Variants in STAG1 observed in about 807,000 individuals in gnomAD.
STAG1 encodes cohesin subunit SA-1.
STAG1 carries 26 observed loss-of-function variants against 170.9 expected under a neutral mutation model. The ratio of observed to expected loss-of-function variants is 0.15; its 90% CI spans 0.11 to 0.21. The LOEUF (loss-of-function observed/expected upper bound fraction) is 0.21. STAG1 is among the 10% of genes least tolerant of loss of function. STAG1 has a pLI of 1.00. For synonymous variants in STAG1, 514 were observed against 497.7 expected (o/e 1.03, Z -0.44); for missense variants, 964 against 1,509.5 (o/e 0.64, Z 5.99).
At chr3:136,685,042 C>G (rs1485212683) in intron 1 of STAG1, among the ~76,000 whole-genome samples, 1 of 152,054 alleles carries the variant, frequency 6.6e-6, no homozygotes, top group Non-Finnish European at 1.5e-5. Flanking sequence ...TGGCTGGGCC[C>G]GGTGGCTCAC....
chr3:136,624,640 G>A (rs886418444), intron 2 of STAG1, among the ~76,000 whole-genome samples: 1 of 152,248 alleles, frequency 6.6e-6, no homozygotes, highest in Middle Eastern at 3.4e-3. Context: ...TAGACCATCC[G>A]ATACACCTTT....
intron 7 of STAG1, among the ~76,000 whole-genome samples, chr3:136,506,836 C>G (rs976046594): frequency 1.3e-5 from 2 of 151,964 alleles, no homozygotes; most frequent in Admixed American, 6.6e-5. Context: ...CACTGGTATT[C>G]AGAACCATAA....
chr3:136,476,284 C>A (rs1456800130), intron 10 of STAG1, among the ~76,000 whole-genome samples: 1 of 152,088 alleles, frequency 6.6e-6, no homozygotes, highest in Non-Finnish European at 1.5e-5. Context: ...CAGCACAGAC[C>A]AAATGGAAAA....
chr3:136,369,545 A>G (rs1305948102), intron 23 of STAG1, among the ~76,000 whole-genome samples: 1 of 152,154 alleles, frequency 6.6e-6, no homozygotes, highest in Non-Finnish European at 1.5e-5. Flanking sequence ...TAGCTCATTA[A>G]GATAGTTTGA....
intron 30 of STAG1, among the ~76,000 whole-genome samples, chr3:136,343,202 AAAC>A (rs1362923122): frequency 1.3e-5 from 2 of 152,220 alleles, no homozygotes; most frequent in South Asian, 2.1e-4. Flanking sequence ...GTTGGATGGA[AAAC>A]AACAATAAGA....
intron 25 of STAG1, among the ~76,000 whole-genome samples, chr3:136,363,932 A>C (rs1467909390): frequency 1.3e-5 from 2 of 151,726 alleles, no homozygotes; most frequent in Non-Finnish European, 2.9e-5. Context: ...TTTTTTAAAA[A>C]ATATTTTGTA....
intron 5 of STAG1, among the ~76,000 whole-genome samples, chr3:136,553,170 T>C (rs1393995675): frequency 1.3e-5 from 2 of 151,980 alleles, no homozygotes; most frequent in Admixed American, 6.6e-5. Context: ...AAATGAACAA[T>C]ACACTAACTG....
At chr3:136,630,191 T>C (rs1327795069) in intron 2 of STAG1, among the ~76,000 whole-genome samples, 1 of 151,870 alleles carries the variant, frequency 6.6e-6, no homozygotes, top group East Asian at 1.9e-4. Context: ...GAAAATTCCA[T>C]CTCAAAAGAA....
chr3:136,384,265 AC>A (rs1273446256), intron 22 of STAG1, among the ~76,000 whole-genome samples: 2 of 151,638 alleles, frequency 1.3e-5, no homozygotes, highest in African/African-American at 4.9e-5. Context: ...AGCCTGGCCA[AC>A]ATGGCAAAAC....
chr3:136,343,988 GTGT>G lies in STAG1; in HGVS notation c.3287_3289del (p.Asn1096del), dbSNP rs1936112606. 6.3e-7 allele frequency: 1 copy of G among 1,587,184 alleles called. No homozygotes were observed. Among genetic ancestry groups the G allele is most frequent in the Non-Finnish European group, 8.5e-7 (1 of 1,170,456 alleles). On this transcript the variant is annotated inframe_deletion, in exon 30 of 34. Coordinates refer to ENST00000383202, the MANE Select transcript of STAG1 (RefSeq NM_005862.3). ...CATGGTGTCAGTCCTGTTTAGCCATGTGTTATCCAGACTCTCATCTGTAAAATT... is the reference window on the plus strand; with the variant it reads ...CATGGTGTCAGTCCTGTTTAGCCATGTATCCAGACTCTCATCTGTAAAATT...
At chr3:136,347,967 T>A (rs1253281024) in intron 29 of STAG1, among the ~76,000 whole-genome samples, 1 of 152,202 alleles carries the variant, frequency 6.6e-6, no homozygotes, top group African/African-American at 2.4e-5. Flanking sequence ...CATGTTAGAA[T>A]TTGTACTCCT....
At chr3:136,457,734 T>C (rs1261035385) in intron 13 of STAG1, among the ~76,000 whole-genome samples, 2 of 151,890 alleles carry the variant, frequency 1.3e-5, no homozygotes, top group African/African-American at 4.8e-5. Context: ...AAATTCAGAG[T>C]ACTTTAAAAT....
At chr3:136,529,004 A>G (rs1161748246) in intron 6 of STAG1, among the ~76,000 whole-genome samples, 1 of 152,106 alleles carries the variant, frequency 6.6e-6, no homozygotes, top group African/African-American at 2.4e-5. Flanking sequence ...TTGGAACTGA[A>G]TAATTCATTG....
At chr3:136,526,895 T>G (rs997054894) in intron 6 of STAG1, among the ~76,000 whole-genome samples, 31 of 152,232 alleles carry the variant, frequency 2.0e-4, no homozygotes, top group Non-Finnish European at 7.3e-5. Flanking sequence ...GAAAATTCTT[T>G]TCTTTAAGAA....
At chr3:136,736,768 T>A (rs878946029) in intron 1 of STAG1, 5 of 1,600,324 alleles carry the variant, frequency 3.1e-6, no homozygotes, top group Non-Finnish European at 4.3e-6. Context: ...TCTGTTTATA[T>A]ACAGCTTGTT....
intron 7 of STAG1, among the ~76,000 whole-genome samples, chr3:136,519,814 G>A (rs910570092): frequency 2.0e-5 from 3 of 151,940 alleles, no homozygotes. Context: ...TGAGGAAGAA[G>A]ATACTCTCAA....
intron 1 of STAG1, among the ~76,000 whole-genome samples, chr3:136,732,999 T>C (rs1576826438): frequency 6.6e-6 from 1 of 152,214 alleles, no homozygotes; most frequent in East Asian, 1.9e-4. Flanking sequence ...AACCTCAGCA[T>C]TTACTTAGAT....
chr3:136,363,843 C>T (rs1423175621), intron 25 of STAG1, among the ~76,000 whole-genome samples: 2 of 152,186 alleles, frequency 1.3e-5, no homozygotes, highest in East Asian at 3.9e-4. Context: ...CAGCCTTCAA[C>T]TCTGGGCTCT....
intron 1 of STAG1, among the ~76,000 whole-genome samples, chr3:136,632,748 G>A (rs1393197633): frequency 6.6e-6 from 1 of 152,146 alleles, no homozygotes; most frequent in Non-Finnish European, 1.5e-5. Flanking sequence ...GGAGGCCTGA[G>A]AGAAGCATAG....
Sources: gnomAD v4.1 joint callset for allele counts (sites outside exome capture counted in the v4.1 genomes callset) on GRCh38, gnomAD v4.1.1 for gene constraint, MANE v1.5 for transcripts, NCBI Gene and HGNC (gene_info 2026-07-23, HGNC 2026-07-21) for gene names.